Variants in PKNOX1 observed in about 807,000 individuals in gnomAD.
The protein encoded by PKNOX1 is homeobox protein PKNOX1.
A neutral mutation model predicts 51.9 loss-of-function variants in PKNOX1; 15 were observed. That is an observed-to-expected ratio of 0.29 (90% CI 0.19 to 0.45). PKNOX1 has a LOEUF of 0.45. PKNOX1 is among the 20% of genes least tolerant of loss of function. The pLI is 1.00. For missense variants in PKNOX1, 462 were observed against 547.5 expected (o/e 0.84, Z 1.56); for synonymous variants, 219 against 211.1 (o/e 1.04, Z -0.32).
chr21:43,013,859 C>A (rs234694), intron 5 of PKNOX1, among the ~76,000 whole-genome samples: 54,802 of 151,864 alleles, frequency 0.36, 10,245 homozygotes, highest in African/African-American at 0.43. Flanking sequence ...TTCATCCATG[C>A]GGAAGCACTA....
At chr21:43,000,384 C>T (rs1468542178) in intron 1 of PKNOX1, among the ~76,000 whole-genome samples, 4 of 152,112 alleles carry the variant, frequency 2.6e-5, no homozygotes, top group Non-Finnish European at 2.9e-5. Flanking sequence ...ACAATCATGG[C>T]GGAAGGCAAG....
chr21:43,027,746 C>T lies in PKNOX1; in HGVS notation c.927-956C>T, dbSNP rs565187531. ...CATCTTGGCCAACATGGTGTAACCC[C>T]GTTTACTAAAAATACAAAAATGAGC... On this transcript the variant is annotated intron_variant, in intron 9 of 10. Transcript: ENST00000291547. 1.7e-4 allele frequency among the ~76,000 whole-genome samples: 26 copies of T among 151,846 alleles called. 1 individual carries two copies. The East Asian group carries it at 3.9e-3, about 23-fold the overall frequency.
At chr21:42,980,939 G>A (rs1027498041) in intron 1 of PKNOX1, among the ~76,000 whole-genome samples, 16 of 152,334 alleles carry the variant, frequency 1.1e-4, no homozygotes, top group African/African-American at 3.4e-4. Context: ...CTATCCATTT[G>A]TAGGAATATA....
chr21:42,976,053 T>A (rs887650342), intron 1 of PKNOX1, among the ~76,000 whole-genome samples: 1 of 152,208 alleles, frequency 6.6e-6, no homozygotes, highest in Non-Finnish European at 1.5e-5. Context: ...CTCTGCTTAA[T>A]TTACTTAGAG....
intron 1 of PKNOX1, among the ~76,000 whole-genome samples, chr21:43,000,204 A>T (rs1371847195): frequency 6.6e-6 from 1 of 152,178 alleles, no homozygotes; most frequent in Admixed American, 6.5e-5. Flanking sequence ...ACCCAGTTCC[A>T]AAGTCACTTC....
In PKNOX1 at chr21:42,974,645, TG is replaced by T. The variant is rs1291121268; in HGVS notation, c.-75del. 6.4e-6 allele frequency: 1 copy of T among 156,594 alleles called. No homozygotes were observed. Among genetic ancestry groups the T allele is most frequent in the African/African-American group, 2.4e-5 (1 of 41,244 alleles). 9.7% of individuals were successfully genotyped at this position (156,594 alleles called of 1,614,324 possible). On this transcript the variant is annotated 5_prime_UTR_variant, in exon 1 of 11. Transcript: ENST00000291547. ...CGATTGCTGCAGCCGCTTGTCAGTG[TG>T]ATGAAGATTGGCACCCAGGTAAGCT...
At chr21:43,013,445 C>A (rs1003650391) in intron 5 of PKNOX1, among the ~76,000 whole-genome samples, 1 of 152,178 alleles carries the variant, frequency 6.6e-6, no homozygotes, top group African/African-American at 2.4e-5. Flanking sequence ...ACTGGGCCCC[C>A]GGTCCCATGT....
At position 43,007,654 on chromosome 21, in the gene PKNOX1, G is replaced by A. The variant is rs781253857; in HGVS notation, c.179+36G>A. On this transcript the variant is annotated intron_variant, in intron 3 of 10. Coordinates refer to ENST00000291547, the MANE Select transcript of PKNOX1 (RefSeq NM_004571.5). ...GGGTGCCGGCTGTGGGGGCCTCAGAGGAGTGAGGAGTGTCCACAAGTTTGT... is the reference window on the plus strand; with the variant it reads ...GGGTGCCGGCTGTGGGGGCCTCAGAAGAGTGAGGAGTGTCCACAAGTTTGT... 9.9e-6 allele frequency: 16 copies of A among 1,612,116 alleles called. No homozygotes were observed. In the South Asian group the frequency reaches 1.8e-4, roughly 18 times the overall value.
At chr21:43,006,897 G>A (rs761116433) in intron 2 of PKNOX1, among the ~76,000 whole-genome samples, 4 of 152,122 alleles carry the variant, frequency 2.6e-5, no homozygotes, top group Non-Finnish European at 5.9e-5. Flanking sequence ...TTTTTTTAAC[G>A]ATTTAAATGT....
At position 42,992,148 on chromosome 21, in the gene PKNOX1, A is replaced by G. The variant is rs182747488; in HGVS notation, c.-56-12178A>G. Among the ~76,000 whole-genome samples the G allele has an allele frequency of 4.1e-4, 62 of 152,308 alleles. 1 individual carries two copies. The East Asian group carries it at 8.7e-3, about 21-fold the overall frequency. ...TTCATCAGCTCACCCTGTGTTTCCC[A>G]TTTTGAATAATGCCGTAATTCATAG... On this transcript the variant is annotated intron_variant, in intron 1 of 10. Transcript: ENST00000291547.
At chr21:43,018,070 A>AT in intron 6 of PKNOX1, 63 bp from the exon 7 acceptor site, 3 of 808,672 alleles carry the variant, frequency 3.7e-6, no homozygotes, top group Non-Finnish European at 4.0e-6. Context: ...AAAAAAAAAA[A>AT]GAAGAATGGT....
chr21:43,015,837 T>C (rs1047770488), intron 5 of PKNOX1, among the ~76,000 whole-genome samples: 2 of 152,178 alleles, frequency 1.3e-5, no homozygotes, highest in Non-Finnish European at 2.9e-5. Flanking sequence ...TAGTCAGTCT[T>C]TCTAGAGGTT....
chr21:43,007,653 AG>A lies in PKNOX1; in HGVS notation c.179+37del, dbSNP rs748000712. ...GGGGTGCCGGCTGTGGGGGCCTCAG[AG>A]GAGTGAGGAGTGTCCACAAGTTTGT... On this transcript the variant is annotated intron_variant, in intron 3 of 10. Transcript: ENST00000291547. 5 of 1,612,254 alleles carry A rather than the reference AG, an allele frequency of 3.1e-6. No homozygotes were observed. In the South Asian group the frequency reaches 4.4e-5, roughly 14 times the overall value.
intron 5 of PKNOX1, among the ~76,000 whole-genome samples, chr21:43,016,095 G>C (rs1300939315): frequency 1.3e-5 from 2 of 152,196 alleles, no homozygotes; most frequent in Non-Finnish European, 2.9e-5. Context: ...CATTCCGCTC[G>C]ATGATGGCCC....
At chr21:43,002,905 CAG>C (rs1413315584) in intron 1 of PKNOX1, among the ~76,000 whole-genome samples, 5 of 152,082 alleles carry the variant, frequency 3.3e-5, no homozygotes, top group African/African-American at 1.2e-4. Context: ...TTAGTAGAGA[CAG>C]GGTTTCACTA....
chr21:42,980,367 A>G (rs2059020126), intron 1 of PKNOX1, among the ~76,000 whole-genome samples: 1 of 100,196 alleles, frequency 1.0e-5, no homozygotes, highest in African/African-American at 4.1e-5. Flanking sequence ...GCAAGACTCC[A>G]TGTCCGAAAA....
intron 5 of PKNOX1, among the ~76,000 whole-genome samples, 199 bp downstream of exon 5, chr21:43,013,437 T>G (rs1979344070): frequency 1.3e-5 from 2 of 152,232 alleles, no homozygotes; most frequent in African/African-American, 2.4e-5. Flanking sequence ...ATCTGCATAC[T>G]GGGCCCCCGG....
At chr21:42,995,821 G>A (rs1387250410) in intron 1 of PKNOX1, among the ~76,000 whole-genome samples, 1 of 152,168 alleles carries the variant, frequency 6.6e-6, no homozygotes, top group Admixed American at 6.6e-5. Context: ...GCCGAATGGT[G>A]ATGTTTGAAA....
chr21:42,988,603 C>T (rs1175179479), intron 1 of PKNOX1, among the ~76,000 whole-genome samples: 1 of 152,164 alleles, frequency 6.6e-6, no homozygotes, highest in East Asian at 1.9e-4. Context: ...GTCTAGAACT[C>T]TGCTTCAGTG....
Sources: gnomAD v4.1 joint callset for allele counts (sites outside exome capture counted in the v4.1 genomes callset) on GRCh38, gnomAD v4.1.1 for gene constraint, MANE v1.5 for transcripts, NCBI Gene and HGNC (gene_info 2026-07-23, HGNC 2026-07-21) for gene names.